CPT1A: variants seen among roughly 807,000 people sequenced by gnomAD.
CPT1A encodes carnitine palmitoyltransferase 1A.
In CPT1A, 64 loss-of-function variants were observed where a neutral mutation model predicts 100.8. That is an observed-to-expected ratio of 0.63 (90% CI 0.52 to 0.78). The LOEUF is 0.78. Among genes scored for constraint, CPT1A ranks in the 30% least tolerant of loss-of-function variants. The pLI is 0.00. For missense variants in CPT1A, 802 were observed against 1,034.1 expected, an observed-to-expected ratio of 0.78 and a Z score of 3.08; for synonymous variants, 363 against 396.0, an observed-to-expected ratio of 0.92 and a Z score of 0.99.
intron 6 of CPT1A, among the ~76,000 whole-genome samples, chr11:68,798,325 C>T (rs1428906036): frequency 6.6e-6 from 1 of 152,222 alleles, no homozygotes; most frequent in East Asian, 1.9e-4. Context: ...TCCAGCACAC[C>T]GGTGCAGCCA....
At chr11:68,807,279 A>G (rs1856070488) in intron 4 of CPT1A, among the ~76,000 whole-genome samples, 188 bp downstream of exon 4, 1 of 152,158 alleles carries the variant, frequency 6.6e-6, no homozygotes, top group Non-Finnish European at 1.5e-5. Context: ...ACAAAAGAGA[A>G]GCACTCTTTG....
intron 1 of CPT1A, among the ~76,000 whole-genome samples, chr11:68,822,062 G>C: frequency 6.6e-6 from 1 of 152,104 alleles, no homozygotes; most frequent in East Asian, 1.9e-4. Context: ...CAAACAGTCT[G>C]TCCGTTCCTC....
intron 1 of CPT1A, among the ~76,000 whole-genome samples, chr11:68,821,491 C>G (rs1176181089): frequency 6.6e-6 from 1 of 151,994 alleles, no homozygotes; most frequent in East Asian, 1.9e-4. Context: ...GGTTTCCCCA[C>G]GTTGGCCAGG....
Position 68,757,550 on chromosome 11 carries a change from T to G in CPT1A, c.*94A>C. 1 of 1,594,866 alleles carries G rather than the reference T, an allele frequency of 6.3e-7. No individual in the cohort carries two copies. Among genetic ancestry groups the G allele is most frequent in the Non-Finnish European group, 8.5e-7 (1 of 1,170,984 alleles). ...GAAAACTGAGTTTTTTTAAGAGCAG[T>G]GTTTCATCCCGAGCTAAGGTCAGGA... On this transcript the variant is annotated 3_prime_UTR_variant, in exon 19 of 19. Coordinates refer to ENST00000265641, the MANE Select transcript of CPT1A (RefSeq NM_001876.4).
chr11:68,757,413 G>T lies in CPT1A; in HGVS notation c.*231C>A. ...CCAAGCCGATGCGGAGACATCAGGG[G>T]AGACTTTATCAGATGTCCCCCAAGG... is the stretch of plus-strand genomic sequence containing the variant. On this transcript the variant is annotated 3_prime_UTR_variant, in exon 19 of 19. Transcript: ENST00000265641. 7.1e-7 allele frequency: 1 copy of T among 1,413,424 alleles called. No homozygotes were observed. Among genetic ancestry groups the T allele is most frequent in the Non-Finnish European group, 9.2e-7 (1 of 1,088,242 alleles). The allele number at this position is 1,413,424 out of a possible 1,614,324, so 87.6% of individuals were successfully genotyped here.
chr11:68,814,915 G>A (rs1276289958), intron 2 of CPT1A, among the ~76,000 whole-genome samples: 1 of 151,682 alleles, frequency 6.6e-6, no homozygotes, highest in Non-Finnish European at 1.5e-5. Flanking sequence ...TTAAACTCCT[G>A]AGCTCAAGCA....
chr11:68,765,100 G>A (rs558862932), intron 14 of CPT1A, among the ~76,000 whole-genome samples: 4 of 152,208 alleles, frequency 2.6e-5, no homozygotes, highest in African/African-American at 4.8e-5. Context: ...AGCCCTTCCC[G>A]CATCTCCTCA....
chr11:68,787,942 CAAAAAA>C (rs58079850), intron 9 of CPT1A, among the ~76,000 whole-genome samples: 3 of 45,666 alleles, frequency 6.6e-5, no homozygotes, highest in African/African-American at 1.6e-4. Context: ...GACTCAGTCT[CAAAAAA>C]AAAAAAAAAA....
chr11:68,799,225 G>A lies in CPT1A; in HGVS notation c.686C>T (p.Thr229Ile), dbSNP rs1379888750. 1.9e-6 allele frequency: 3 copies of A among 1,613,582 alleles called. No individual in the cohort carries two copies. The Admixed American group carries it at 5.0e-5, about 27-fold the overall frequency. ...WYLKLKSWWATNYVSDWWEEY... is the reference protein window; with the variant it reads ...WYLKLKSWWAINYVSDWWEEY... ...CTGTGTATACAGACTTACGTAATTT[G>A]TAGCCCACCAGGATTTTAACTTCAA... is the stretch of plus-strand genomic sequence containing the variant. The change falls in exon 6 of 19, where the codon ACA (threonine) becomes ATA (isoleucine). Residue 229 changes from threonine to isoleucine, a missense_variant. By Grantham distance (89) the Thr-to-Ile change is moderately conservative. Transcript: ENST00000265641.
intron 1 of CPT1A, among the ~76,000 whole-genome samples, chr11:68,830,858 C>T (rs938598245): frequency 1.3e-5 from 2 of 152,374 alleles, no homozygotes; most frequent in African/African-American, 4.8e-5. Flanking sequence ...CCTGCACCAG[C>T]TGGCAAATGA....
At chr11:68,830,369 T>A (rs765466794) in intron 1 of CPT1A, among the ~76,000 whole-genome samples, 2 of 152,086 alleles carry the variant, frequency 1.3e-5, no homozygotes, top group Non-Finnish European at 2.9e-5. Flanking sequence ...CACACAGACC[T>A]CCTTGCCCGG....
chr11:68,821,731 T>A (rs1323559172), intron 1 of CPT1A, among the ~76,000 whole-genome samples: 2 of 152,224 alleles, frequency 1.3e-5, no homozygotes, highest in African/African-American at 4.8e-5. Flanking sequence ...CCCCAAATGT[T>A]TTCAATCCTT....
intron 8 of CPT1A, among the ~76,000 whole-genome samples, chr11:68,794,555 C>T (rs1286929736): frequency 2.0e-5 from 3 of 152,136 alleles, no homozygotes; most frequent in South Asian, 2.1e-4. Flanking sequence ...GGATTACAGG[C>T]GCGTGCCAGC....
chr11:68,804,197 G>T, intron 4 of CPT1A, 96 bp from the exon 5 acceptor site: 2 of 901,592 alleles, frequency 2.2e-6, no homozygotes, highest in Non-Finnish European at 3.6e-6. Context: ...GGTCAGTCCT[G>T]GTTAGTACTT....
intron 1 of CPT1A, among the ~76,000 whole-genome samples, chr11:68,840,757 C>A (rs1857138403): frequency 6.6e-6 from 1 of 152,338 alleles, no homozygotes; most frequent in African/African-American, 2.4e-5. Context: ...CCTGACAAAC[C>A]GAAAGAAGCC....
At chr11:68,798,007 A>G (rs912119538) in intron 6 of CPT1A, among the ~76,000 whole-genome samples, 10 of 151,352 alleles carry the variant, frequency 6.6e-5, no homozygotes, top group Non-Finnish European at 8.9e-5. Flanking sequence ...GAAAACAAAG[A>G]AAAAACCAAT....
intron 9 of CPT1A, among the ~76,000 whole-genome samples, chr11:68,787,598 T>G (rs969001654): frequency 6.6e-6 from 1 of 152,102 alleles, no homozygotes; most frequent in Admixed American, 6.5e-5. Context: ...GGGTCTTTAA[T>G]GAGGTCATTA....
At chr11:68,812,310 T>A in intron 3 of CPT1A, 127 bp downstream of exon 3, 1 of 1,345,260 alleles carries the variant, frequency 7.4e-7, no homozygotes, top group Non-Finnish European at 1.1e-6. Flanking sequence ...AAAGCTGACG[T>A]GAGAACAGCA....
intron 1 of CPT1A, among the ~76,000 whole-genome samples, chr11:68,819,926 C>A (rs1461076658): frequency 6.6e-6 from 1 of 152,196 alleles, no homozygotes; most frequent in Non-Finnish European, 1.5e-5. Flanking sequence ...CAAATCCCAC[C>A]CTGGGTTCTG....
Sources: gnomAD v4.1 joint callset for allele counts (sites outside exome capture counted in the v4.1 genomes callset) on GRCh38, gnomAD v4.1.1 for gene constraint, MANE v1.5 for transcripts, NCBI Gene and HGNC (gene_info 2026-07-23, HGNC 2026-07-21) for gene names.